MTF2: variants seen among roughly 807,000 people sequenced by gnomAD.
MTF2 encodes metal response element binding transcription factor 2.
In MTF2, 11 loss-of-function variants were observed where a neutral mutation model predicts 79.5. The ratio of observed to expected loss-of-function variants is 0.14; its 90% CI spans 0.09 to 0.23. MTF2 has a LOEUF of 0.23. MTF2 is among the 10% of genes least tolerant of loss of function. MTF2 has a pLI of 1.00. For missense variants in MTF2, 486 were observed against 711.2 expected (o/e 0.68, Z 3.60); for synonymous variants, 208 against 232.8 (o/e 0.89, Z 0.97).
intron 1 of MTF2, among the ~76,000 whole-genome samples, chr1:93,101,913 A>G (rs1311445341): frequency 1.3e-5 from 2 of 152,112 alleles, no homozygotes; most frequent in African/African-American, 4.8e-5. Context: ...GTTCACTGAT[A>G]TTAAATACAT....
chr1:93,120,730 G>A (rs1379715814), intron 9 of MTF2, 58 bp downstream of exon 9: 2 of 1,563,526 alleles, frequency 1.3e-6, no homozygotes, highest in Admixed American at 2.2e-5. Context: ...GTTTTGTTTT[G>A]TTTTTCAAAA....
rs1647493724 is a variant in MTF2, at chr1:93,138,516, T to C, written c.*1489T>C. On this transcript the variant is annotated 3_prime_UTR_variant, in exon 15 of 15. Coordinates refer to ENST00000370298, the MANE Select transcript of MTF2 (RefSeq NM_007358.4). ...TATAAAGAAAGTTGCTTTATTTCTT[T>C]AAACATCTTCAAAAGATGATCCTTT... 1 of 152,232 alleles carries C rather than the reference T, an allele frequency of 6.6e-6. No homozygotes were observed. The highest frequency in any genetic ancestry group is 1.5e-5 in the Non-Finnish European group (1 of 68,034). 9.4% of individuals were successfully genotyped at this position (152,232 alleles called of 1,614,324 possible). A position where few individuals can be genotyped will look rare whatever the true frequency, so the allele number is the denominator to read the frequency against.
chr1:93,135,298 A>T (rs1248884982), intron 14 of MTF2, among the ~76,000 whole-genome samples: 1 of 152,186 alleles, frequency 6.6e-6, no homozygotes, highest in Non-Finnish European at 1.5e-5. Flanking sequence ...AAAGCACATC[A>T]TGTCAGGTAT....
intron 9 of MTF2, among the ~76,000 whole-genome samples, chr1:93,126,740 C>G (rs1278983286): frequency 6.6e-6 from 1 of 151,846 alleles, no homozygotes; most frequent in African/African-American, 2.4e-5. Context: ...TTACAGTATT[C>G]TAAAAAATTA....
intron 11 of MTF2, among the ~76,000 whole-genome samples, chr1:93,133,459 T>G (rs1238269681): frequency 6.6e-6 from 1 of 152,130 alleles, no homozygotes; most frequent in Non-Finnish European, 1.5e-5. Flanking sequence ...CAGAATTATA[T>G]TAAAGAGGAC....
At chr1:93,088,545 ATATAT>A (rs1654941544) in intron 1 of MTF2, among the ~76,000 whole-genome samples, 3 of 152,108 alleles carry the variant, frequency 2.0e-5, no homozygotes, top group Admixed American at 6.6e-5. Flanking sequence ...AAAATACTTG[ATATAT>A]TATATTTAAC....
At chr1:93,114,497 TA>T (rs1274380800) in intron 3 of MTF2, among the ~76,000 whole-genome samples, 190 bp from the exon 4 acceptor site, 18 of 152,350 alleles carry the variant, frequency 1.2e-4, no homozygotes, top group African/African-American at 4.1e-4. Flanking sequence ...ATTATGAAAG[TA>T]GGCATGTTAA....
intron 9 of MTF2, among the ~76,000 whole-genome samples, chr1:93,125,314 T>G (rs565760689): frequency 4.9e-4 from 74 of 151,744 alleles, no homozygotes; most frequent in South Asian, 2.3e-3. Context: ...TTTTTTTTTT[T>G]TTTTTTTTTA....
At chr1:93,109,118 T>G (rs1053279607) in intron 1 of MTF2, among the ~76,000 whole-genome samples, 4 of 152,170 alleles carry the variant, frequency 2.6e-5, no homozygotes, top group Non-Finnish European at 5.9e-5. Flanking sequence ...GTTTTTAGAA[T>G]TATTATCTAG....
rs531874560 is a variant in MTF2 at position 93,114,004 on chromosome 1, A to AT, written c.287-672dup. 7.2e-3 allele frequency among the ~76,000 whole-genome samples: 907 copies of AT among 125,884 alleles called. 6 individuals are homozygous for AT. Among genetic ancestry groups the AT allele is most frequent in the Non-Finnish European group, 8.3e-3 (548 of 66,020 alleles). 82.6% of individuals were successfully genotyped at this position (125,884 alleles called of 152,430 possible). A position where few individuals can be genotyped will look rare whatever the true frequency, so the allele number is the denominator to read the frequency against. On this transcript the variant is annotated intron_variant, in intron 3 of 14. Coordinates refer to ENST00000370298, the MANE Select transcript of MTF2 (RefSeq NM_007358.4). ...TAAATTGTATTAGAAATTTTGTGTG[A>AT]TTTTTTTTTTTTGAGAATAAAAATG...
intron 1 of MTF2, among the ~76,000 whole-genome samples, chr1:93,090,613 G>C (rs1017406595): frequency 6.6e-6 from 1 of 151,946 alleles, no homozygotes; most frequent in Admixed American, 6.6e-5. Context: ...ATGAAAGTAA[G>C]AGAGTAGGAT....
chr1:93,109,477 G>T (rs577248584), intron 1 of MTF2, among the ~76,000 whole-genome samples: 1 of 152,066 alleles, frequency 6.6e-6, no homozygotes, highest in Non-Finnish European at 1.5e-5. Context: ...GGCATCACAG[G>T]TGTGTACCAC....
Position 93,087,310 on chromosome 1 carries a change from G to A in MTF2, c.5+7779G>A, listed in dbSNP as rs138709198. On this transcript the variant is annotated intron_variant, in intron 1 of 14. Coordinates refer to ENST00000370298, the MANE Select transcript of MTF2 (RefSeq NM_007358.4). The stretch of plus-strand genomic sequence containing the variant: ...CTTAAGGCTGGGTGTGGTGGCTCAC[G>A]CCTGTAATCCCAGCACTTTGGGAGG... Among the ~76,000 whole-genome samples the A allele has an allele frequency of 2.3e-3, 347 of 152,246 alleles. 7 individuals are homozygous for A. Among genetic ancestry groups the A allele is most frequent in the Admixed American group, 0.019 (293 of 15,284 alleles).
chr1:93,107,050 C>T (rs1655825148), intron 1 of MTF2, among the ~76,000 whole-genome samples: 1 of 152,130 alleles, frequency 6.6e-6, no homozygotes, highest in Non-Finnish European at 1.5e-5. Flanking sequence ...GTGCCTTCTC[C>T]TCACAGCTGA....
intron 3 of MTF2, among the ~76,000 whole-genome samples, chr1:93,113,310 G>T (rs1656108064): frequency 1.3e-5 from 2 of 152,032 alleles, no homozygotes; most frequent in Admixed American, 1.3e-4. Flanking sequence ...GGCTTGGGAA[G>T]TCAAGGCTGC....
rs1220331620 is a variant in MTF2, at chr1:93,137,237, T to G, written c.*210T>G. 2.4e-6 allele frequency: 1 copy of G among 422,070 alleles called. No individual in the cohort carries two copies. The highest frequency in any genetic ancestry group is 4.2e-6 in the Non-Finnish European group (1 of 238,238). 26.1% of individuals were successfully genotyped at this position (422,070 alleles called of 1,614,324 possible). A position where few individuals can be genotyped will look rare whatever the true frequency, so the allele number is the denominator to read the frequency against. ...ATCTTTTAAAAATCAGAACAGAGAC[T>G]TAATTTTTTAAATCTTAAGATTTGT... On this transcript the variant is annotated 3_prime_UTR_variant, in exon 15 of 15. Coordinates refer to ENST00000370298, the MANE Select transcript of MTF2 (RefSeq NM_007358.4).
intron 1 of MTF2, among the ~76,000 whole-genome samples, chr1:93,109,284 A>AAT (rs1466707441): frequency 6.6e-6 from 1 of 152,000 alleles, no homozygotes; most frequent in African/African-American, 2.4e-5. Context: ...CACAGTATTT[A>AAT]ATATATATTT....
At chr1:93,129,942 G>A (rs1157374877) in intron 11 of MTF2, among the ~76,000 whole-genome samples, 1 of 152,188 alleles carries the variant, frequency 6.6e-6, no homozygotes, top group Non-Finnish European at 1.5e-5. Context: ...AGACTTTACT[G>A]TGGATAGAGA....
chr1:93,135,357 A>G (rs558927720), intron 14 of MTF2, among the ~76,000 whole-genome samples: 24 of 152,306 alleles, frequency 1.6e-4, no homozygotes, highest in Middle Eastern at 3.4e-3. Context: ...CAAGTTTTAT[A>G]CTTCATTCTG....
Sources: allele counts gnomAD v4.1 joint callset (sites outside exome capture counted in the v4.1 genomes callset), GRCh38; gene constraint gnomAD v4.1.1; transcripts MANE v1.5; gene names NCBI Gene and HGNC (gene_info 2026-07-23, HGNC 2026-07-21).